LYAR: variants seen among roughly 807,000 people sequenced by gnomAD.
LYAR encodes Ly1 antibody reactive.
LYAR carries 37 observed loss-of-function variants against 45.2 expected under a neutral mutation model. The observed-to-expected ratio is 0.82, with a 90% CI of 0.63 to 1.08. The LOEUF is 1.08. LYAR is among the 50% of genes least tolerant of loss of function. The probability of loss-of-function intolerance (pLI) is 0.00; values close to 1 mark genes in which losing one functional copy is unlikely to be tolerated. For missense variants in LYAR, 493 were observed against 451.0 expected (o/e 1.09, Z -0.84); for synonymous variants, 176 against 155.1 (o/e 1.14, Z -1.00).
intron 1 of LYAR, among the ~76,000 whole-genome samples, chr4:4,287,874 AAGG>A (rs1446159401): frequency 1.3e-5 from 2 of 152,208 alleles, no homozygotes; most frequent in Non-Finnish European, 2.9e-5. Context: ...TGCAGTGGGC[AAGG>A]AGACCACCCA....
In LYAR at chr4:4,279,639, T is replaced by C. The variant is rs1332429610; in HGVS notation, c.345+3A>G. Reference sequence around the variant, plus strand: ...CCCTCCATTCAAGAAAGTCAATTCATACCTGAAATTTTGCCTTTTTCCTGG... The same window carrying C: ...CCCTCCATTCAAGAAAGTCAATTCACACCTGAAATTTTGCCTTTTTCCTGG... On this transcript the variant is annotated splice_donor_region_variant and intron_variant, in intron 5 of 9. Transcript: ENST00000343470. The C allele has an allele frequency of 2.5e-6, 4 of 1,612,182 alleles. No individual in the cohort carries two copies. Among genetic ancestry groups the C allele is most frequent in the Admixed American group, 1.7e-5 (1 of 59,952 alleles).
intron 7 of LYAR, among the ~76,000 whole-genome samples, chr4:4,273,964 C>T (rs752831605): frequency 1.3e-5 from 2 of 152,252 alleles, no homozygotes; most frequent in East Asian, 1.9e-4. Context: ...TAGCTAGGTG[C>T]GGTAGCTCAT....
At chr4:4,273,147 C>T (rs1216568516) in intron 8 of LYAR, among the ~76,000 whole-genome samples, 2 of 152,190 alleles carry the variant, frequency 1.3e-5, no homozygotes. Context: ...AACCGGGTCT[C>T]AGAAAGCTAT....
In LYAR at chr4:4,279,730, T is replaced by C; in HGVS notation, c.257A>G (p.Lys86Arg). 6.2e-7 allele frequency: 1 copy of C among 1,604,880 alleles called. No homozygotes were observed. Among genetic ancestry groups the C allele is most frequent in the Non-Finnish European group, 8.5e-7 (1 of 1,174,944 alleles). ...AWIQKISELIKRPNVSPKVRE... is the reference protein window; with the variant it reads ...AWIQKISELIRRPNVSPKVRE... ...CACTTTGGGGCTGACATTGGGTCTC[T>C]TTATTAATTCACTAATTTTCTACAA... Residue 86 changes from lysine to arginine, a missense_variant, in exon 5 of 10, where the codon AAG becomes AGG. By Grantham distance (26) the Lys-to-Arg change is conservative (BLOSUM62 2). Transcript: ENST00000343470.
intron 8 of LYAR, among the ~76,000 whole-genome samples, chr4:4,273,217 T>C (rs935221827): frequency 6.6e-6 from 1 of 152,156 alleles, no homozygotes; most frequent in Non-Finnish European, 1.5e-5. Context: ...GCTTTACTTT[T>C]CTCCTTAAAG....
Position 4,267,959 on chromosome 4 carries a change from A to G in LYAR, c.1070T>C (p.Ile357Thr), listed in dbSNP as rs550449087. ...HHRSEEELLV[I>T]FNKKISKNPT... ...GTTCTTGCTGATTTTCTTGTTAAAG[A>G]TGACCAGGAGTTCCTCTTCGGATCT... Residue 357 changes from isoleucine to threonine, a missense_variant, in exon 10 of 10, where the codon ATC (isoleucine) becomes ACC (threonine). By Grantham distance (89) the Ile-to-Thr change is moderately conservative. Coordinates refer to ENST00000343470, the MANE Select transcript of LYAR (RefSeq NM_017816.3). 3.1e-6 allele frequency: 5 copies of G among 1,613,236 alleles called. No homozygotes were observed. Among genetic ancestry groups the G allele is most frequent in the Admixed American group, 1.7e-5 (1 of 59,982 alleles).
rs747625064 is a variant in LYAR at position 4,281,798 on chromosome 4, C to G, written c.222G>C (p.Gln74His). Residue 74 changes from glutamine (Q) to histidine (H), a missense_variant, in exon 4 of 10, where the codon CAG (glutamine) becomes CAC (histidine). Coordinates refer to ENST00000343470, the MANE Select transcript of LYAR (RefSeq NM_017816.3). ...EGKTHKGDIK[Q>H]QAWIQKISEL... ...GAGACGTTACCTGAATCCACGCCTG[C>G]TGTTTGATGTCGCCTTTGTGGGTTT... 7.4e-6 allele frequency: 12 copies of G among 1,613,828 alleles called. No homozygotes were observed. In the South Asian group the frequency reaches 1.3e-4, roughly 18 times the overall value.
At position 4,267,939 on chromosome 4, in the gene LYAR, T is replaced by C; in HGVS notation, c.1090A>G (p.Lys364Glu). ...LLVIFNKKISKNPTFKLLKDK... is the reference protein window; with the variant it reads ...LLVIFNKKISENPTFKLLKDK... ...TTTAATAACTTAAAGGTAGGGTTCT[T>C]GCTGATTTTCTTGTTAAAGATGACC... Residue 364 changes from lysine (K) to glutamate (E), a missense_variant, in exon 10 of 10, where the codon AAG becomes GAG. Physicochemically the swap from Lys to Glu is moderately conservative, Grantham distance 56. Coordinates refer to ENST00000343470, the MANE Select transcript of LYAR (RefSeq NM_017816.3). 1 of 1,613,470 alleles carries C rather than the reference T, an allele frequency of 6.2e-7. No individual in the cohort carries two copies. The highest frequency in any genetic ancestry group is 8.5e-7 in the Non-Finnish European group (1 of 1,179,810).
At chr4:4,288,828 G>A (rs1173109310) in intron 1 of LYAR, among the ~76,000 whole-genome samples, 1 of 152,136 alleles carries the variant, frequency 6.6e-6, no homozygotes, top group African/African-American at 2.4e-5. Context: ...TGCAGACACT[G>A]ACCTACACAT....
At chr4:4,273,553 C>T (rs2272741) in intron 8 of LYAR, 30 bp downstream of exon 8, 332,688 of 1,538,876 alleles carry the variant, frequency 0.22, 46,885 homozygotes, top group African/African-American at 0.61. Context: ...TGTGCCCAGC[C>T]GTGCTCCTCA....
At chr4:4,279,039 G>C (rs189735397) in intron 6 of LYAR, among the ~76,000 whole-genome samples, 9 of 151,820 alleles carry the variant, frequency 5.9e-5, no homozygotes, top group Admixed American at 4.6e-4. Flanking sequence ...AAAAAAGAAG[G>C]CTGGGCCAGG....
At chr4:4,279,158 C>T (rs1719298648) in intron 6 of LYAR, among the ~76,000 whole-genome samples, 1 of 133,078 alleles carries the variant, frequency 7.5e-6, no homozygotes, top group African/African-American at 3.0e-5. Flanking sequence ...AACTCTGTCT[C>T]TGCTAAAAAA....
At chr4:4,278,441 T>C (rs1719275036) in intron 6 of LYAR, among the ~76,000 whole-genome samples, 1 of 152,206 alleles carries the variant, frequency 6.6e-6, no homozygotes, top group South Asian at 2.1e-4. Context: ...TTAGGGTCTC[T>C]ATTCAACCAT....
At chr4:4,284,273 T>C (rs1350020549) in intron 2 of LYAR, among the ~76,000 whole-genome samples, 1 of 152,180 alleles carries the variant, frequency 6.6e-6, no homozygotes, top group African/African-American at 2.4e-5. Context: ...GGCATTGCAA[T>C]TTAGGTGTAC....
chr4:4,272,140 G>A (rs912616192), intron 8 of LYAR, among the ~76,000 whole-genome samples: 2 of 152,166 alleles, frequency 1.3e-5, no homozygotes, highest in South Asian at 2.1e-4. Flanking sequence ...GCGCAATGGC[G>A]ATGGAAATGG....
chr4:4,285,244 G>A (rs1006195456), intron 2 of LYAR, among the ~76,000 whole-genome samples: 9 of 152,252 alleles, frequency 5.9e-5, no homozygotes, highest in Admixed American at 5.2e-4. Flanking sequence ...GACAGCATGT[G>A]GTCAGCTACA....
chr4:4,275,149 C>T (rs1334564601), intron 6 of LYAR, among the ~76,000 whole-genome samples: 1 of 152,206 alleles, frequency 6.6e-6, no homozygotes, highest in Non-Finnish European at 1.5e-5. Flanking sequence ...TGGGTTCAAG[C>T]TCCAGTTCTA....
At chr4:4,281,137 G>A (rs1192521471) in intron 4 of LYAR, among the ~76,000 whole-genome samples, 2 of 152,090 alleles carry the variant, frequency 1.3e-5, no homozygotes, top group East Asian at 3.9e-4. Context: ...AGATTAACAT[G>A]GCTTGAGTTA....
intron 8 of LYAR, among the ~76,000 whole-genome samples, chr4:4,272,854 T>A (rs1282400177): frequency 6.6e-6 from 1 of 152,314 alleles, no homozygotes; most frequent in African/African-American, 2.4e-5. Context: ...GGACCTGTTC[T>A]GAACTGCAGG....
Sources: gnomAD v4.1 joint callset for allele counts (sites outside exome capture counted in the v4.1 genomes callset) on GRCh38, gnomAD v4.1.1 for gene constraint, MANE v1.5 for transcripts, NCBI Gene and HGNC (gene_info 2026-07-23, HGNC 2026-07-21) for gene names.